The following LLGL2 variants were observed in gnomAD, a reference collection of about 807,000 sequenced individuals.
The protein encoded by LLGL2 is LLGL2, scribble cell polarity complex component.
A neutral mutation model predicts 123.2 loss-of-function variants in LLGL2; 81 were observed. That is an observed-to-expected ratio of 0.66 (90% CI 0.55 to 0.79). The LOEUF is 0.79. Among genes scored for constraint, LLGL2 ranks in the 30% least tolerant of loss-of-function variants. The probability of loss-of-function intolerance (pLI) is 0.00; values close to 1 mark genes in which losing one functional copy is unlikely to be tolerated. For synonymous variants in LLGL2, 577 were observed against 594.1 expected (o/e 0.97, Z 0.42); for missense variants, 1,273 against 1,414.6 (o/e 0.90, Z 1.61).
intron 2 of LLGL2, among the ~76,000 whole-genome samples, chr17:75,547,081 C>A (rs1318209578): frequency 6.6e-6 from 1 of 152,218 alleles, no homozygotes; most frequent in African/African-American, 2.4e-5. Flanking sequence ...GGCTTCTGAA[C>A]CAGTTCTGGC....
chr17:75,565,049 G>A (rs116774033), intron 10 of LLGL2, among the ~76,000 whole-genome samples: 2,669 of 152,258 alleles, frequency 0.018, 79 homozygotes, highest in African/African-American at 0.061. Context: ...CGGGCTCTCT[G>A]CCCTTTCCAG....
intron 6 of LLGL2, among the ~76,000 whole-genome samples, chr17:75,561,846 C>G (rs1293340313): frequency 6.6e-6 from 1 of 151,872 alleles, no homozygotes; most frequent in Non-Finnish European, 1.5e-5. Flanking sequence ...TGCTTGAACC[C>G]CGGAGGTGGA....
intron 1 of LLGL2, among the ~76,000 whole-genome samples, chr17:75,538,261 G>T (rs543927166): frequency 9.5e-4 from 144 of 152,302 alleles, no homozygotes; most frequent in Non-Finnish European, 1.6e-3. Flanking sequence ...AGGAGGGAAC[G>T]GGGGGTGGGC....
intron 3 of LLGL2, chr17:75,557,757 A>G (rs2054981467): frequency 3.0e-6 from 1 of 338,462 alleles, no homozygotes; most frequent in African/African-American, 2.2e-5. Flanking sequence ...CCCTGGTGCC[A>G]AGACTAATGG....
At chr17:75,574,128 C>T in intron 22 of LLGL2, 85 bp from the exon 23 acceptor site, 3 of 1,534,768 alleles carry the variant, frequency 2.0e-6, no homozygotes, top group Non-Finnish European at 2.6e-6. Context: ...CCCTGGGCTT[C>T]CACATCCTGA....
chr17:75,539,337 A>C (rs2054122182), intron 1 of LLGL2, among the ~76,000 whole-genome samples: 1 of 152,124 alleles, frequency 6.6e-6, no homozygotes, highest in African/African-American at 2.4e-5. Context: ...GATTACAAGC[A>C]TGAGCCACTG....
chr17:75,573,472 A>T lies in LLGL2; in HGVS notation c.2726-9A>T. The T allele has an allele frequency of 6.3e-7, 1 of 1,597,856 alleles. No homozygotes were observed. Among genetic ancestry groups the T allele is most frequent in the Non-Finnish European group, 8.6e-7 (1 of 1,167,754 alleles). On this transcript the variant is annotated splice_polypyrimidine_tract_variant and intron_variant, in intron 20 of 25. Transcript: ENST00000392550. ...AGGCCAGGCCGCTAGCATTGCCCCC[A>T]CTCCCCAGGCTTCTACCTGATCTCA...
chr17:75,547,545 CG>C (rs901449993), intron 2 of LLGL2, among the ~76,000 whole-genome samples: 9 of 152,168 alleles, frequency 5.9e-5, no homozygotes, highest in Non-Finnish European at 1.0e-4. Flanking sequence ...TGACGAGAGG[CG>C]GGGCGCAGTG....
At chr17:75,568,118 T>C in intron 10 of LLGL2, 1 of 1,184,680 alleles carries the variant, frequency 8.4e-7, no homozygotes, top group Non-Finnish European at 1.1e-6. Flanking sequence ...GGGGAGAGGC[T>C]TGACAGGTGC....
chr17:75,547,581 T>C (rs1428825993), intron 2 of LLGL2, among the ~76,000 whole-genome samples: 1 of 152,144 alleles, frequency 6.6e-6, no homozygotes, highest in Admixed American at 6.5e-5. Flanking sequence ...TCCCAGCACT[T>C]TGGGAGGCTG....
At chr17:75,571,478 C>A (rs1292523656) in intron 17 of LLGL2, 189 bp from the exon 18 acceptor site, 12 of 597,556 alleles carry the variant, frequency 2.0e-5, no homozygotes, top group Non-Finnish European at 3.3e-5. Flanking sequence ...CTGGCTGGTT[C>A]TCCCCTGCTG....
Position 75,571,811 on chromosome 17 carries a change from G to A in LLGL2, c.2293+28G>A, listed in dbSNP as rs200319961. On this transcript the variant is annotated intron_variant, in intron 18 of 25. Transcript: ENST00000392550. ...GAGTGCTGGGCAGGGAGAGCAGAGG[G>A]TGCTCGGGCTGCCTGGGCTGGGTCC... 1,397 of 1,603,230 alleles carry A rather than the reference G, an allele frequency of 8.7e-4. 3 individuals are homozygous for A. The highest frequency in any genetic ancestry group is 2.7e-3 in the South Asian group (249 of 90,968).
intron 1 of LLGL2, among the ~76,000 whole-genome samples, chr17:75,531,240 G>A (rs976465589): frequency 6.6e-6 from 1 of 152,194 alleles, no homozygotes; most frequent in South Asian, 2.1e-4. Flanking sequence ...TTTGGAAGAC[G>A]AAGTGCTGCC....
chr17:75,541,214 G>A (rs1387709173), intron 1 of LLGL2, among the ~76,000 whole-genome samples: 2 of 152,210 alleles, frequency 1.3e-5, no homozygotes, highest in Admixed American at 6.5e-5. Flanking sequence ...GGATGGCCCT[G>A]TGCCCTCTTG....
chr17:75,552,595 A>C (rs1335327702), intron 2 of LLGL2, among the ~76,000 whole-genome samples: 1 of 152,218 alleles, frequency 6.6e-6, no homozygotes, highest in Admixed American at 6.5e-5. Flanking sequence ...CAATTTGTGA[A>C]ATCTAGGTGT....
At chr17:75,567,965 A>T in intron 10 of LLGL2, 6 of 688,680 alleles carry the variant, frequency 8.7e-6, no homozygotes, top group Non-Finnish European at 1.1e-5. Flanking sequence ...AAAAAAAAAA[A>T]GACAAATGGT....
At position 75,569,025 on chromosome 17, in the gene LLGL2, T is replaced by C. The variant is rs1353843669; in HGVS notation, c.1370T>C (p.Leu457Pro). Residue 457 changes from leucine to proline, a missense_variant, in exon 13 of 26, where the codon CTG becomes CCG. By Grantham distance (98) the Leu-to-Pro change is moderately conservative (BLOSUM62 -3). Coordinates refer to ENST00000392550, the MANE Select transcript of LLGL2 (RefSeq NM_001031803.2). ...VRFWDASGVC[L>P]RLLYKLSTVR... is the part of the protein sequence containing the mutation. ...TTCTGGGATGCCTCGGGTGTCTGCC[T>C]GCGGCTGCTCTACAAACTCAGCACT... 6.2e-7 allele frequency: 1 copy of C among 1,612,982 alleles called. No individual in the cohort carries two copies. The highest frequency in any genetic ancestry group is 2.2e-5 in the East Asian group (1 of 44,842).
At position 75,571,951 on chromosome 17, in the gene LLGL2, G is replaced by A. The variant is rs769989122; in HGVS notation, c.2347G>A (p.Asp783Asn). 9 of 1,612,598 alleles carry A rather than the reference G, an allele frequency of 5.6e-6. No homozygotes were observed. The highest frequency in any genetic ancestry group is 1.3e-5 in the African/African-American group (1 of 74,868). Residue 783 changes from aspartate (D) to asparagine (N), a missense_variant, in exon 19 of 26, where the codon GAC becomes AAC. Asp to Asn is a conservative substitution (Grantham distance 23). Coordinates refer to ENST00000392550, the MANE Select transcript of LLGL2 (RefSeq NM_001031803.2). ...GCCGGTGGTGGGCATCCTGGTGCTC[G>A]ACGGACACAGCGTACCCCTTCCCGA... ...RAPVVGILVL[D>N]GHSVPLPEPL...
chr17:75,560,528 C>G (rs536457666), intron 6 of LLGL2, among the ~76,000 whole-genome samples: 158 of 152,046 alleles, frequency 1.0e-3, no homozygotes, highest in Middle Eastern at 3.4e-3. Flanking sequence ...CTCTTGTTCC[C>G]CAGGCTAGAG....
Sources: allele counts gnomAD v4.1 joint callset (sites outside exome capture counted in the v4.1 genomes callset), GRCh38; gene constraint gnomAD v4.1.1; transcripts MANE v1.5; gene names NCBI Gene and HGNC (gene_info 2026-07-23, HGNC 2026-07-21).